The following KDM4C variants were observed in gnomAD, a reference collection of about 807,000 sequenced individuals.
KDM4C encodes the protein lysine demethylase 4C.
A neutral mutation model predicts 129.3 loss-of-function variants in KDM4C; 81 were observed. The observed-to-expected ratio is 0.63, with a 90% CI of 0.52 to 0.75. The LOEUF (loss-of-function observed/expected upper bound fraction) is 0.75, where lower values mean the gene tolerates loss of function less well. Ranked by LOEUF, KDM4C falls within the 30% of genes least tolerant of loss-of-function variation. The pLI, the probability that KDM4C is intolerant of heterozygous loss-of-function variation, is 0.00. For synonymous variants in KDM4C, 573 were observed against 456.1 expected, an observed-to-expected ratio of 1.26 and a Z score of -3.26; for missense variants, 1,457 against 1,304.0, an observed-to-expected ratio of 1.12 and a Z score of -1.81.
intron 7 of KDM4C, among the ~76,000 whole-genome samples, chr9:6,889,872 C>G (rs1031730000): frequency 3.3e-5 from 5 of 152,312 alleles, no homozygotes; most frequent in Non-Finnish European, 5.9e-5. Context: ...GAGCTTGGAG[C>G]TCTTTTCTAG....
chr9:7,136,899 T>C (rs1841266647), intron 19 of KDM4C, among the ~76,000 whole-genome samples: 1 of 152,234 alleles, frequency 6.6e-6, no homozygotes, highest in Admixed American at 6.5e-5. Flanking sequence ...TCATGTCCTT[T>C]CTAGGTAAAG....
At chr9:6,786,201 C>T (rs1825457576) in intron 1 of KDM4C, among the ~76,000 whole-genome samples, 1 of 152,068 alleles carries the variant, frequency 6.6e-6, no homozygotes. Context: ...TTACATTTGG[C>T]CGGAAAGCAT....
At chr9:6,950,667 A>C (rs373074578) in intron 8 of KDM4C, among the ~76,000 whole-genome samples, 1 of 152,196 alleles carries the variant, frequency 6.6e-6, no homozygotes, top group Non-Finnish European at 1.5e-5. Context: ...TAGCTAGCCA[A>C]TGTTCCCTCC....
chr9:6,946,916 A>T (rs77003954), intron 8 of KDM4C, among the ~76,000 whole-genome samples: 3,630 of 152,152 alleles, frequency 0.024, 104 homozygotes, highest in East Asian at 0.14. Context: ...TAAACTCAAA[A>T]TAAATGCATC....
At chr9:6,940,055 C>T (rs944291742) in intron 8 of KDM4C, among the ~76,000 whole-genome samples, 8 of 119,860 alleles carry the variant, frequency 6.7e-5, no homozygotes, top group East Asian at 4.8e-4. Context: ...CCCTCCTTCC[C>T]TCCTTCCCTC....
At chr9:7,145,490 C>T (rs1441949629) in intron 19 of KDM4C, among the ~76,000 whole-genome samples, 1 of 152,176 alleles carries the variant, frequency 6.6e-6, no homozygotes, top group Non-Finnish European at 1.5e-5. Context: ...CCCCACTCTG[C>T]TGTGCTCTAT....
At chr9:6,891,920 C>G (rs940098711) in intron 7 of KDM4C, among the ~76,000 whole-genome samples, 4 of 152,034 alleles carry the variant, frequency 2.6e-5, no homozygotes, top group Admixed American at 6.6e-5. Flanking sequence ...ACAGATCAAA[C>G]TGTACATTTA....
chr9:6,964,868 C>T (rs1409006060), intron 8 of KDM4C, among the ~76,000 whole-genome samples: 9 of 149,046 alleles, frequency 6.0e-5, no homozygotes, highest in Non-Finnish European at 1.0e-4. Flanking sequence ...GCAGGAGAAT[C>T]ACTTGAGCCC....
chr9:7,007,945 C>T (rs1326994970), intron 12 of KDM4C, among the ~76,000 whole-genome samples: 1 of 152,086 alleles, frequency 6.6e-6, no homozygotes, highest in Non-Finnish European at 1.5e-5. Flanking sequence ...CAGCGCTTGT[C>T]CCCTGGCAGA....
chr9:7,023,429 G>T (rs997804428), intron 15 of KDM4C, among the ~76,000 whole-genome samples: 1 of 152,062 alleles, frequency 6.6e-6, no homozygotes, highest in Non-Finnish European at 1.5e-5. Flanking sequence ...TTGGCATATA[G>T]TTGCTCCTAG....
intron 8 of KDM4C, among the ~76,000 whole-genome samples, chr9:6,977,924 T>C (rs1167298494): frequency 1.3e-5 from 2 of 152,186 alleles, no homozygotes; most frequent in African/African-American, 4.8e-5. Context: ...CTGATTCTTA[T>C]TTCTTTTGTT....
At chr9:7,065,382 G>A (rs776962078) in intron 17 of KDM4C, among the ~76,000 whole-genome samples, 9 of 151,956 alleles carry the variant, frequency 5.9e-5, no homozygotes, top group Non-Finnish European at 1.2e-4. Context: ...TACAGGAATA[G>A]CGCTTAAGGT....
chr9:6,939,975 TA>T (rs1250214115), intron 8 of KDM4C, among the ~76,000 whole-genome samples: 12 of 134,376 alleles, frequency 8.9e-5, no homozygotes, highest in African/African-American at 3.0e-4. Context: ...CCTACCTACC[TA>T]CCTTCCTTCC....
chr9:6,779,660 T>G (rs1259999202), intron 1 of KDM4C, among the ~76,000 whole-genome samples: 1 of 152,196 alleles, frequency 6.6e-6, no homozygotes, highest in African/African-American at 2.4e-5. Context: ...GAGTCTGCTC[T>G]TGCAACCTTC....
intron 17 of KDM4C, among the ~76,000 whole-genome samples, chr9:7,095,040 T>C (rs936804744): frequency 1.3e-5 from 2 of 152,238 alleles, no homozygotes; most frequent in African/African-American, 2.4e-5. Context: ...CCAACCACTC[T>C]AACCAAGGTA....
chr9:6,769,206 G>C (rs1821264121), intron 1 of KDM4C, among the ~76,000 whole-genome samples: 1 of 148,154 alleles, frequency 6.7e-6, no homozygotes, highest in African/African-American at 2.5e-5. Context: ...TAAGCTTGCT[G>C]TTTTTTTTTT....
chr9:7,028,645 C>G (rs1462219674), intron 15 of KDM4C, among the ~76,000 whole-genome samples: 1 of 152,086 alleles, frequency 6.6e-6, no homozygotes, highest in Non-Finnish European at 1.5e-5. Context: ...AGCACCATGA[C>G]TCGCCTAGGA....
chr9:6,921,908 C>A (rs1355736758), intron 8 of KDM4C, among the ~76,000 whole-genome samples: 3 of 152,102 alleles, frequency 2.0e-5, no homozygotes, highest in African/African-American at 7.2e-5. Context: ...TCCCAGAATA[C>A]CCCTCCCCAA....
chr9:6,786,391 G>A (rs1337616827), intron 1 of KDM4C, among the ~76,000 whole-genome samples: 1 of 152,118 alleles, frequency 6.6e-6, no homozygotes, highest in Non-Finnish European at 1.5e-5. Context: ...AATTCTTAGG[G>A]TACTTGCTAT....
Sources: gnomAD v4.1 joint callset for allele counts (sites outside exome capture counted in the v4.1 genomes callset) on GRCh38, gnomAD v4.1.1 for gene constraint, MANE v1.5 for transcripts, NCBI Gene and HGNC (gene_info 2026-07-23, HGNC 2026-07-21) for gene names.